The following CCNYL1 variants were observed in gnomAD, a reference collection of about 807,000 sequenced individuals.
CCNYL1 encodes the protein cyclin Y like 1.
CCNYL1 carries 16 observed loss-of-function variants against 44.2 expected under a neutral mutation model. That is an observed-to-expected ratio of 0.36 (90% CI 0.25 to 0.55). The LOEUF (loss-of-function observed/expected upper bound fraction) is 0.55. CCNYL1 is among the 20% of genes least tolerant of loss of function. CCNYL1 has a pLI of 0.85. For missense variants in CCNYL1, 348 were observed against 451.8 expected, an observed-to-expected ratio of 0.77 and a Z score of 2.08; for synonymous variants, 159 against 163.2, an observed-to-expected ratio of 0.97 and a Z score of 0.20.
intron 1 of CCNYL1, among the ~76,000 whole-genome samples, chr2:207,713,654 A>G (rs528385456): frequency 2.0e-5 from 3 of 152,338 alleles, no homozygotes; most frequent in South Asian, 2.1e-4. Context: ...TTTCATTACT[A>G]TAGAAGAAAT....
At chr2:207,724,584 T>C (rs1010174969) in intron 1 of CCNYL1, among the ~76,000 whole-genome samples, 7 of 152,262 alleles carry the variant, frequency 4.6e-5, no homozygotes, top group Non-Finnish European at 1.0e-4. Context: ...ATTAAAAGTC[T>C]CTGACACAGC....
chr2:207,752,099 G>C (rs950716149), intron 9 of CCNYL1, among the ~76,000 whole-genome samples: 1 of 148,386 alleles, frequency 6.7e-6, no homozygotes, highest in African/African-American at 2.6e-5. Flanking sequence ...TAATTCACTT[G>C]CCACTCTTGA....
intron 3 of CCNYL1, among the ~76,000 whole-genome samples, chr2:207,729,923 C>G (rs2091713796): frequency 6.6e-6 from 1 of 151,844 alleles, no homozygotes; most frequent in African/African-American, 2.4e-5. Context: ...GCCGTATTAG[C>G]CAAGCTGGTC....
intron 8 of CCNYL1, among the ~76,000 whole-genome samples, chr2:207,749,754 A>G (rs942381671): frequency 2.6e-5 from 4 of 152,234 alleles, no homozygotes; most frequent in Admixed American, 6.5e-5. Context: ...ACAGGAAATT[A>G]ATTTTGGAAG....
chr2:207,717,966 T>A (rs1000469069), intron 1 of CCNYL1, among the ~76,000 whole-genome samples: 3 of 149,606 alleles, frequency 2.0e-5, no homozygotes, highest in Non-Finnish European at 3.0e-5. Flanking sequence ...GTACAGTGGC[T>A]CAATCTTGGC....
At chr2:207,720,131 T>G (rs965215273) in intron 1 of CCNYL1, among the ~76,000 whole-genome samples, 37 of 131,290 alleles carry the variant, frequency 2.8e-4, no homozygotes, top group Non-Finnish European at 4.9e-4. Flanking sequence ...GAGGTTGCAG[T>G]GAGCCGAGAT....
Position 207,748,310 on chromosome 2 carries a change from G to A in CCNYL1, c.806+1097G>A, listed in dbSNP as rs2091869454. Among the ~76,000 whole-genome samples the A allele has an allele frequency of 3.3e-5, 5 of 152,146 alleles. No homozygotes were observed. In the South Asian group the frequency reaches 6.2e-4, roughly 19 times the overall value. On this transcript the variant is annotated intron_variant, in intron 8 of 9. Transcript: ENST00000295414. The stretch of plus-strand genomic sequence containing the variant: ...CACTCGAGAGGCTCCCTGGGCACTC[G>A]GACAACCACAGCACCACTTTGGGGG...
chr2:207,719,803 A>C (rs1263815011), intron 1 of CCNYL1, among the ~76,000 whole-genome samples: 1 of 151,928 alleles, frequency 6.6e-6, no homozygotes, highest in Non-Finnish European at 1.5e-5. Context: ...ATCATAGCTC[A>C]CTGCAGCCTC....
intron 4 of CCNYL1, 99 bp from the exon 5 acceptor site, chr2:207,737,312 C>A: frequency 1.2e-6 from 1 of 859,656 alleles, no homozygotes; most frequent in African/African-American, 1.7e-5. Context: ...ATTTCAGGGC[C>A]GCTAGGAGGG....
chr2:207,753,437 C>A, intron 9 of CCNYL1, 151 bp from the exon 10 acceptor site: 2 of 539,494 alleles, frequency 3.7e-6, no homozygotes, highest in East Asian at 2.9e-5. Flanking sequence ...GTAGTGTCCC[C>A]ACAACCTGGC....
chr2:207,750,908 TTGAC>T, intron 8 of CCNYL1, 45 bp from the exon 9 acceptor site: 1 of 1,541,434 alleles, frequency 6.5e-7, no homozygotes, highest in Non-Finnish European at 8.9e-7. Flanking sequence ...GATAGCCCAG[TTGAC>T]TGACATTGTC....
At chr2:207,746,608 C>A (rs138829984) in intron 7 of CCNYL1, among the ~76,000 whole-genome samples, 1 of 152,296 alleles carries the variant, frequency 6.6e-6, no homozygotes, top group Non-Finnish European at 1.5e-5. Context: ...TAAGCAAAGT[C>A]TCTGTAGAAC....
chr2:207,751,565 C>A (rs1444671484), intron 9 of CCNYL1, among the ~76,000 whole-genome samples: 2 of 151,988 alleles, frequency 1.3e-5, no homozygotes, highest in African/African-American at 4.8e-5. Context: ...ACTAAAAATA[C>A]ACACACAGGC....
At chr2:207,734,772 C>CTT (rs34143454) in intron 4 of CCNYL1, among the ~76,000 whole-genome samples, 3 of 149,210 alleles carry the variant, frequency 2.0e-5, no homozygotes, top group African/African-American at 7.4e-5. Context: ...AATGTACTAG[C>CTT]TTTTTTTTTT....
intron 1 of CCNYL1, chr2:207,714,312 CTTTTTT>C (rs60004559): frequency 2.0e-3 from 607 of 309,404 alleles, no homozygotes; most frequent in Middle Eastern, 6.8e-3. Flanking sequence ...ACTTACATCT[CTTTTTT>C]TTTTTTTTTT....
At chr2:207,729,803 C>T (rs1295910014) in intron 3 of CCNYL1, among the ~76,000 whole-genome samples, 1 of 152,110 alleles carries the variant, frequency 6.6e-6, no homozygotes, top group African/African-American at 2.4e-5. Flanking sequence ...GCAACCTCTT[C>T]CTCCCGAGTT....
chr2:207,735,755 T>A (rs1302591652), intron 4 of CCNYL1, among the ~76,000 whole-genome samples: 11 of 151,914 alleles, frequency 7.2e-5, no homozygotes. Flanking sequence ...TAATCCCAGC[T>A]ACTTGGGAGG....
chr2:207,734,172 T>C, intron 4 of CCNYL1, 125 bp downstream of exon 4: 1 of 584,390 alleles, frequency 1.7e-6, no homozygotes, highest in Non-Finnish European at 3.1e-6. Flanking sequence ...GAAATCGGTG[T>C]CAACTATATA....
At chr2:207,732,030 G>A (rs1461278741) in intron 3 of CCNYL1, among the ~76,000 whole-genome samples, 5 of 152,042 alleles carry the variant, frequency 3.3e-5, no homozygotes, top group African/African-American at 1.2e-4. Context: ...GGCTGGTCTC[G>A]AACTCCTGAC....
Sources: gnomAD v4.1 joint callset for allele counts (sites outside exome capture counted in the v4.1 genomes callset) on GRCh38, gnomAD v4.1.1 for gene constraint, MANE v1.5 for transcripts, NCBI Gene and HGNC (gene_info 2026-07-23, HGNC 2026-07-21) for gene names.